SDHD: variants seen among roughly 807,000 people sequenced by gnomAD.
The protein encoded by SDHD is succinate dehydrogenase complex subunit D.
Under a neutral mutation model 18.7 loss-of-function variants are expected in SDHD, and 6 were observed. The observed-to-expected ratio is 0.32, with a 90% CI of 0.18 to 0.63. The LOEUF (loss-of-function observed/expected upper bound fraction) is 0.63, where lower values mean the gene tolerates loss of function less well. Among genes scored for constraint, SDHD ranks in the 30% least tolerant of loss-of-function variants. SDHD has a pLI of 0.79. For synonymous variants in SDHD, 56 were observed against 73.9 expected (o/e 0.76, Z 1.24); for missense variants, 160 against 192.7 (o/e 0.83, Z 1.00).
Position 112,086,976 on chromosome 11 carries a change from C to T in SDHD, c.52+17C>T, listed in dbSNP as rs2135264969. 1 of 1,613,942 alleles carries T rather than the reference C, an allele frequency of 6.2e-7. No homozygotes were observed. The highest frequency in any genetic ancestry group is 8.5e-7 in the Non-Finnish European group (1 of 1,179,876). Reference sequence around the variant, plus strand: ...GAGGCCGAGGTGAGGGGTCTTCCCACCCTGAGGTGCTTAGCGTAGCCTCCA... The same window carrying T: ...GAGGCCGAGGTGAGGGGTCTTCCCATCCTGAGGTGCTTAGCGTAGCCTCCA... On this transcript the variant is annotated intron_variant, in intron 1 of 3. Coordinates refer to ENST00000375549, the MANE Select transcript of SDHD (RefSeq NM_003002.4).
At chr11:112,093,156 T>TCCCGGG in intron 3 of SDHD, 1 of 388,562 alleles carries the variant, frequency 2.6e-6, no homozygotes, top group African/African-American at 2.2e-5. Context: ...AACCTCCGCC[T>TCCCGGG]TTCGGGTTCA....
chr11:112,093,071 G>A (rs1433600400), intron 3 of SDHD: 1 of 139,964 alleles, frequency 7.1e-6, no homozygotes, highest in African/African-American at 4.0e-5. Flanking sequence ...TTTTGCTCTT[G>A]TCGCTCAGGC....
intron 3 of SDHD, among the ~76,000 whole-genome samples, chr11:112,092,642 A>C (rs537371209): frequency 9.2e-5 from 14 of 152,304 alleles, no homozygotes; most frequent in African/African-American, 3.1e-4. Context: ...GGACTTGGAG[A>C]AATTGGAACC....
Position 112,094,132 on chromosome 11 carries a change from G to C in SDHD, c.315-673G>C, listed in dbSNP as rs190239982. ...AATAAAAAACAGGCCAGGCGCAGTA[G>C]CTCACGCCTGTAGTCCCAACACTTT... On this transcript the variant is annotated intron_variant, in intron 3 of 3. Transcript: ENST00000375549. Among the ~76,000 whole-genome samples, 382 of 152,288 alleles carry C rather than the reference G, an allele frequency of 2.5e-3. 3 individuals carry two copies. Among genetic ancestry groups the C allele is most frequent in the African/African-American group, 8.8e-3 (367 of 41,550 alleles).
intron 3 of SDHD, among the ~76,000 whole-genome samples, chr11:112,090,375 T>A (rs976600135): frequency 6.6e-6 from 1 of 152,132 alleles, no homozygotes; most frequent in Non-Finnish European, 1.5e-5. Context: ...CCTCCTAAAG[T>A]GCTGGGATTA....
intron 3 of SDHD, chr11:112,091,262 A>T (rs1865741151): frequency 4.8e-6 from 1 of 206,866 alleles, no homozygotes; most frequent in South Asian, 1.7e-4. Context: ...AACTTAGGTT[A>T]TTCTTACCAA....
Position 112,088,280 on chromosome 11 carries a change from A to G in SDHD, c.169+307A>G, listed in dbSNP as rs184664907. The G allele has an allele frequency of 1.2e-3, 466 of 379,022 alleles. 3 individuals are homozygous for G. Among genetic ancestry groups the G allele is most frequent in the Admixed American group, 3.8e-3 (100 of 26,280 alleles). 23.5% of individuals were successfully genotyped at this position (379,022 alleles called of 1,614,324 possible). ...AGTGGTGCGATCTCGGCTCACTGCA[A>G]CCTCCACCTTCTGAGTTCAAGCAAT... On this transcript the variant is annotated intron_variant, in intron 2 of 3. Coordinates refer to ENST00000375549, the MANE Select transcript of SDHD (RefSeq NM_003002.4).
chr11:112,092,790 C>A (rs540275312), intron 3 of SDHD, among the ~76,000 whole-genome samples: 30 of 152,114 alleles, frequency 2.0e-4, no homozygotes, highest in Non-Finnish European at 4.0e-4. Context: ...GAACTGAAAA[C>A]GTGTCCACGC....
Position 112,094,893 on chromosome 11 carries a change from AC to A in SDHD, c.405del (p.Phe136LeufsTer32), listed in dbSNP as rs1865812119. The A allele has an allele frequency of 6.2e-7, 1 of 1,611,614 alleles. No individual in the cohort carries two copies. The highest frequency in any genetic ancestry group is 8.5e-7 in the Non-Finnish European group (1 of 1,179,616). On this transcript the variant is annotated frameshift_variant, in exon 4 of 4. Coordinates refer to ENST00000375549, the MANE Select transcript of SDHD (RefSeq NM_003002.4). LOFTEE classifies it high-confidence loss of function. ...KAGLLALSALTFAGLCYFNYH... is the reference protein window; with the variant it reads ...KAGLLALSALXFAGLCYFNYH... ...AGGGCTTTTGGCACTTTCAGCTTTAACCTTTGCTGGGCTTTGCTATTTCAAC... is the reference window on the plus strand; with the variant it reads ...AGGGCTTTTGGCACTTTCAGCTTTAACTTTGCTGGGCTTTGCTATTTCAAC...
intron 3 of SDHD, among the ~76,000 whole-genome samples, chr11:112,092,229 T>TG (rs1439085312): frequency 6.6e-6 from 1 of 150,700 alleles, no homozygotes; most frequent in Non-Finnish European, 1.5e-5. Flanking sequence ...GTTCAGCACA[T>TG]GTATCCCAGA....
In SDHD at chr11:112,095,635, G is replaced by A. The variant is rs201421504; in HGVS notation, c.*665G>A. 8.8e-6 allele frequency: 2 copies of A among 226,416 alleles called. No homozygotes were observed. The allele number at this position is 226,416 out of a possible 1,614,324, so 14.0% of individuals were successfully genotyped here. On this transcript the variant is annotated 3_prime_UTR_variant, in exon 4 of 4. Transcript: ENST00000375549. ...GTAAATTGAGATTTAATTCCCAAAT[G>A]TATTCTACTTGTTCTAAAACAATCT...
At chr11:112,089,912 T>C (rs1865712338) in intron 3 of SDHD, among the ~76,000 whole-genome samples, 1 of 151,986 alleles carries the variant, frequency 6.6e-6, no homozygotes, top group Non-Finnish European at 1.5e-5. Flanking sequence ...CAAATGTATA[T>C]CCCTAAATAG....
chr11:112,092,317 A>G (rs1195607814), intron 3 of SDHD, among the ~76,000 whole-genome samples: 1 of 151,858 alleles, frequency 6.6e-6, no homozygotes, highest in Non-Finnish European at 1.5e-5. Flanking sequence ...GTCACTTTGC[A>G]CCCTGTCACC....
At chr11:112,088,084 C>T in intron 2 of SDHD, 111 bp downstream of exon 2, 1 of 821,646 alleles carries the variant, frequency 1.2e-6, no homozygotes, top group Non-Finnish European at 2.1e-6. Context: ...TTGTGTCCAA[C>T]TTTGTCAAAT....
rs200382250 is a variant in SDHD at position 112,095,069 on chromosome 11, C to T, written c.*99C>T. The T allele has an allele frequency of 1.1e-6, 1 of 910,922 alleles. No homozygotes were observed. The highest frequency in any genetic ancestry group is 1.6e-5 in the African/African-American group (1 of 61,422). The allele number at this position is 910,922 out of a possible 1,614,324, so 56.4% of individuals were successfully genotyped here. A position where few individuals can be genotyped will look rare whatever the true frequency, so the allele number is the denominator to read the frequency against. On this transcript the variant is annotated 3_prime_UTR_variant, in exon 4 of 4. Transcript: ENST00000375549. ...AATAAGGAAGAAATAACAGATAAGTCCATTGGTGGACAGCCTTCTTCTCTT... is the reference window on the plus strand; with the variant it reads ...AATAAGGAAGAAATAACAGATAAGTTCATTGGTGGACAGCCTTCTTCTCTT...
At chr11:112,088,419 A>G in intron 2 of SDHD, 1 of 332,686 alleles carries the variant, frequency 3.0e-6, no homozygotes, top group Non-Finnish European at 5.8e-6. Flanking sequence ...GGCTGGTCTC[A>G]AACTCCTGAC....
Position 112,090,115 on chromosome 11 carries a change from G to T in SDHD, c.314+1104G>T, listed in dbSNP as rs527692230. On this transcript the variant is annotated intron_variant, in intron 3 of 3. Transcript: ENST00000375549. Reference sequence around the variant, plus strand: ...CGCCTGTTTGTTTGTTTGTTTGTTTGTTTATTTTTTGAGACAGAGTCTCGC... The same window carrying T: ...CGCCTGTTTGTTTGTTTGTTTGTTTTTTTATTTTTTGAGACAGAGTCTCGC... Among the ~76,000 whole-genome samples, 13 of 151,858 alleles carry T rather than the reference G, an allele frequency of 8.6e-5. No homozygotes were observed. The South Asian group carries it at 2.7e-3, about 31-fold the overall frequency.
At chr11:112,090,980 A>T in intron 3 of SDHD, 1 of 392,972 alleles carries the variant, frequency 2.5e-6, no homozygotes, top group Non-Finnish European at 3.5e-6. Context: ...ATAGGTGTGA[A>T]CCACCGTGCC....
chr11:112,089,564 C>G (rs1455131956), intron 3 of SDHD, among the ~76,000 whole-genome samples: 1 of 152,232 alleles, frequency 6.6e-6, no homozygotes, highest in Non-Finnish European at 1.5e-5. Context: ...TTTCTTCCCT[C>G]ATTTTTAGCT....
Sources: allele counts gnomAD v4.1 joint callset (sites outside exome capture counted in the v4.1 genomes callset), GRCh38; gene constraint gnomAD v4.1.1; transcripts MANE v1.5; gene names NCBI Gene and HGNC (gene_info 2026-07-23, HGNC 2026-07-21).